LRCH3: variants seen among roughly 807,000 people sequenced by gnomAD.
LRCH3 encodes DISP complex protein LRCH3.
A neutral mutation model predicts 104.5 loss-of-function variants in LRCH3; 68 were observed. That is an observed-to-expected ratio of 0.65 (90% CI 0.54 to 0.80). The LOEUF is 0.80. Ranked by LOEUF, LRCH3 falls within the 30% of genes least tolerant of loss-of-function variation. LRCH3 has a pLI of 0.00. For synonymous variants in LRCH3, 344 were observed against 361.3 expected (o/e 0.95, Z 0.54); for missense variants, 951 against 953.9 (o/e 1.00, Z 0.04).
chr3:197,859,339 T>C (rs1740621010), intron 15 of LRCH3: 1 of 177,756 alleles, frequency 5.6e-6, no homozygotes, highest in Non-Finnish European at 1.2e-5. Context: ...TAAAGCTTTA[T>C]TTTTACATAG....
chr3:197,834,542 G>A (rs1373069350), intron 8 of LRCH3, among the ~76,000 whole-genome samples: 2 of 151,962 alleles, frequency 1.3e-5, no homozygotes, highest in African/African-American at 4.8e-5. Flanking sequence ...TCTCTTTTTT[G>A]TGTGTGGCCT....
intron 14 of LRCH3, 101 bp from the exon 15 acceptor site, chr3:197,858,733 T>G: frequency 1.0e-6 from 1 of 956,640 alleles, no homozygotes; most frequent in Non-Finnish European, 1.7e-6. Context: ...AGATCGTCAG[T>G]GACCTTTCCT....
At chr3:197,846,773 A>G (rs1388430290) in intron 10 of LRCH3, among the ~76,000 whole-genome samples, 1 of 152,184 alleles carries the variant, frequency 6.6e-6, no homozygotes, top group Non-Finnish European at 1.5e-5. Flanking sequence ...AGACACAAAG[A>G]TGAGTTACAG....
In LRCH3 at chr3:197,791,402, C is replaced by A; in HGVS notation, c.124C>A (p.Pro42Thr). Reference protein sequence around the residue: ...PSSGAGPGFGPGSWSRSLDRA... With the variant: ...PSSGAGPGFGTGSWSRSLDRA... ...CTCCGGGGCAGGCCCTGGTTTTGGCCCGGGCTCGTGGAGCCGCTCTCTCGA... is the reference window on the plus strand; with the variant it reads ...CTCCGGGGCAGGCCCTGGTTTTGGCACGGGCTCGTGGAGCCGCTCTCTCGA... Residue 42 changes from proline (P) to threonine (T), a missense_variant, in exon 1 of 21, where the codon CCG becomes ACG. By Grantham distance (38) the Pro-to-Thr change is conservative. Transcript: ENST00000425562. The A allele has an allele frequency of 6.3e-7, 1 of 1,593,478 alleles. No homozygotes were observed. Among genetic ancestry groups the A allele is most frequent in the East Asian group, 2.3e-5 (1 of 43,940 alleles).
chr3:197,806,425 A>G (rs1732493178), intron 1 of LRCH3, among the ~76,000 whole-genome samples: 1 of 152,096 alleles, frequency 6.6e-6, no homozygotes, highest in East Asian at 1.9e-4. Context: ...CTGGCCTTGA[A>G]GAACATTTCT....
intron 20 of LRCH3, chr3:197,881,309 A>ATAATTT: frequency 1.0e-6 from 1 of 988,696 alleles, no homozygotes; most frequent in Non-Finnish European, 1.2e-6. Context: ...GGTATTGGCC[A>ATAATTT]TAATTTTAAT....
chr3:197,882,608 G>A, intron 20 of LRCH3: 1 of 962,252 alleles, frequency 1.0e-6, no homozygotes, highest in Non-Finnish European at 1.2e-6. Flanking sequence ...TCTATATTCT[G>A]TTCTTTGTAA....
rs576807146 is a variant in LRCH3 at position 197,842,018 on chromosome 3, G to T, written c.1328+2621G>T. Among the ~76,000 whole-genome samples the T allele has an allele frequency of 5.7e-3, 874 of 152,108 alleles. 9 individuals are homozygous for T. The highest frequency in any genetic ancestry group is 0.02 in the African/African-American group (820 of 41,474). On this transcript the variant is annotated intron_variant, in intron 10 of 20. Coordinates refer to ENST00000425562, the MANE Select transcript of LRCH3 (RefSeq NM_001365715.1). ...AGCAAATTTTTTGTTATTTTTAGGAGAGACAGAAATCTCCCTATGTTGCCC... is the reference window on the plus strand; with the variant it reads ...AGCAAATTTTTTGTTATTTTTAGGATAGACAGAAATCTCCCTATGTTGCCC...
At chr3:197,871,648 G>C in intron 19 of LRCH3, 186 bp downstream of exon 19, 1 of 674,546 alleles carries the variant, frequency 1.5e-6, no homozygotes, top group Non-Finnish European at 2.4e-6. Context: ...ACAGCAGTGC[G>C]ATAAATGTAA....
chr3:197,831,964 G>C (rs898227500), intron 7 of LRCH3, among the ~76,000 whole-genome samples: 2 of 152,088 alleles, frequency 1.3e-5, no homozygotes, highest in African/African-American at 2.4e-5. Flanking sequence ...GCACAGGCTG[G>C]AGTGCAGTGG....
chr3:197,798,762 C>G (rs926931786), intron 1 of LRCH3, among the ~76,000 whole-genome samples: 2 of 152,170 alleles, frequency 1.3e-5, no homozygotes, highest in Non-Finnish European at 2.9e-5. Context: ...GTAACAGTCA[C>G]AGTATATGCA....
At chr3:197,824,864 C>T (rs886638617) in intron 4 of LRCH3, among the ~76,000 whole-genome samples, 3 of 151,454 alleles carry the variant, frequency 2.0e-5, no homozygotes, top group African/African-American at 7.3e-5. Context: ...GCCACTGCAC[C>T]TGGCCTGCTG....
chr3:197,802,301 A>G (rs968787256), intron 1 of LRCH3, among the ~76,000 whole-genome samples: 4 of 152,330 alleles, frequency 2.6e-5, no homozygotes, highest in East Asian at 1.9e-4. Flanking sequence ...TTGTGCTGCT[A>G]TAACAGCATA....
chr3:197,868,785 C>G (rs1021103386), intron 17 of LRCH3, among the ~76,000 whole-genome samples: 1 of 152,046 alleles, frequency 6.6e-6, no homozygotes, highest in African/African-American at 2.4e-5. Flanking sequence ...AAAAATGAAC[C>G]AGACCAGCCT....
chr3:197,824,988 T>A (rs1734989618), intron 4 of LRCH3, among the ~76,000 whole-genome samples: 1 of 152,250 alleles, frequency 6.6e-6, no homozygotes, highest in African/African-American at 2.4e-5. Context: ...GAACACGTCA[T>A]GGGAGAACAT....
chr3:197,853,198 C>CTTTTTT (rs974302371), intron 13 of LRCH3, among the ~76,000 whole-genome samples: 1 of 150,276 alleles, frequency 6.7e-6, no homozygotes, highest in Non-Finnish European at 1.5e-5. Context: ...TTTTCTTTTT[C>CTTTTTT]TTTTTTTTTG....
At chr3:197,852,696 C>T in intron 13 of LRCH3, 76 bp downstream of exon 13, 1 of 1,449,718 alleles carries the variant, frequency 6.9e-7, no homozygotes. Flanking sequence ...ATGTAATTGT[C>T]ATGTTTTCAG....
chr3:197,826,826 C>T, intron 4 of LRCH3, 52 bp from the exon 5 acceptor site: 4 of 1,602,592 alleles, frequency 2.5e-6, no homozygotes, highest in Non-Finnish European at 3.4e-6. Context: ...TGTAAAAATT[C>T]TCTAGTTGTA....
intron 8 of LRCH3, among the ~76,000 whole-genome samples, chr3:197,833,630 C>T (rs1037379720): frequency 2.0e-5 from 3 of 151,832 alleles, no homozygotes; most frequent in Non-Finnish European, 4.4e-5. Context: ...TGAAAAAAAG[C>T]GTGTAAAATA....
Sources: allele counts gnomAD v4.1 joint callset (sites outside exome capture counted in the v4.1 genomes callset), GRCh38; gene constraint gnomAD v4.1.1; transcripts MANE v1.5; gene names NCBI Gene and HGNC (gene_info 2026-07-23, HGNC 2026-07-21).